Variants in RPS6KB1 observed in about 807,000 individuals in gnomAD.
RPS6KB1 encodes the protein ribosomal protein S6 kinase B1, also known as ribosomal protein S6 kinase beta-1.
In RPS6KB1, 12 loss-of-function variants were observed where a neutral mutation model predicts 70.2. The ratio of observed to expected loss-of-function variants is 0.17; its 90% CI spans 0.11 to 0.28. RPS6KB1 has a LOEUF of 0.28. RPS6KB1 is among the 10% of genes least tolerant of loss of function. The pLI, the probability that RPS6KB1 is intolerant of heterozygous loss-of-function variation, is 1.00. For missense variants in RPS6KB1, 270 were observed against 646.6 expected, an observed-to-expected ratio of 0.42 and a Z score of 6.32; for synonymous variants, 175 against 211.2, an observed-to-expected ratio of 0.83 and a Z score of 1.49.
rs183000227 is a variant in RPS6KB1, at chr17:59,914,076, A to G, written c.313-559A>G. ...AATATTTTCATTCTGCGGTTGGTTG[A>G]ATCCACGGCTGCTGAACCTGTAGAT... On this transcript the variant is annotated intron_variant, in intron 3 of 14. Coordinates refer to ENST00000225577, the MANE Select transcript of RPS6KB1 (RefSeq NM_003161.4). Among the ~76,000 whole-genome samples the G allele has an allele frequency of 5.3e-5, 8 of 152,266 alleles. No individual in the cohort carries two copies. The East Asian group carries it at 1.5e-3, about 29-fold the overall frequency.
chr17:59,917,296 T>C (rs1292833587), intron 4 of RPS6KB1, among the ~76,000 whole-genome samples: 1 of 151,544 alleles, frequency 6.6e-6, no homozygotes, highest in Non-Finnish European at 1.5e-5. Flanking sequence ...TAAAAAAAAA[T>C]GTAGAGATGG....
At position 59,904,759 on chromosome 17, in the gene RPS6KB1, C is replaced by T. The variant is rs144759643; in HGVS notation, c.142-5803C>T. Among the ~76,000 whole-genome samples the T allele has an allele frequency of 4.9e-4, 73 of 147,932 alleles. 2 individuals carry two copies. The highest frequency in any genetic ancestry group is 6.8e-4 in the Admixed American group (10 of 14,712). On this transcript the variant is annotated intron_variant, in intron 1 of 14. Coordinates refer to ENST00000225577, the MANE Select transcript of RPS6KB1 (RefSeq NM_003161.4). ...TTGCCCAGGCTGGAGTGCAGTGGCG[C>T]GATCTCAGCTCACTGCAACCTCTGC...
intron 5 of RPS6KB1, 26 bp from the exon 6 acceptor site, chr17:59,930,091 A>G: frequency 8.8e-7 from 1 of 1,133,624 alleles, no homozygotes; most frequent in Non-Finnish European, 1.3e-6. Flanking sequence ...TGTTTTATTT[A>G]TAATGTTTTT....
Position 59,914,649 on chromosome 17 carries a change from A to G in RPS6KB1, c.327A>G (p.Arg109=), listed in dbSNP as rs746840384. ...TTTTAATCCAGGTTTTTCAAGTACG[A>G]AAAGTAACAGGAGCAAATACTGGGA... is the stretch of plus-strand genomic sequence containing the variant. The part of the protein sequence containing the change: ...KGGYGKVFQV[R]KVTGANTGKI... Residue 109 remains arginine (R), a synonymous_variant, in exon 4 of 15, where the codon CGA becomes CGG. Transcript: ENST00000225577. 8.1e-6 allele frequency: 13 copies of G among 1,612,572 alleles called. No individual in the cohort carries two copies. The highest frequency in any genetic ancestry group is 8.5e-6 in the Non-Finnish European group (10 of 1,179,652).
In RPS6KB1 at chr17:59,910,623, T is replaced by C. The variant is rs1400561626; in HGVS notation, c.191+12T>C. ...GGACCATATGAACTGTAAGTTTATATGAAGAGATTTTCATTGTGTTGTCTT... is the reference window on the plus strand; with the variant it reads ...GGACCATATGAACTGTAAGTTTATACGAAGAGATTTTCATTGTGTTGTCTT... On this transcript the variant is annotated intron_variant, in intron 2 of 14. Transcript: ENST00000225577. The C allele has an allele frequency of 2.6e-6, 4 of 1,543,576 alleles. No individual in the cohort carries two copies. The South Asian group carries it at 3.6e-5, about 14-fold the overall frequency.
At chr17:59,939,213 A>G (rs2044435720) in intron 12 of RPS6KB1, among the ~76,000 whole-genome samples, 1 of 152,168 alleles carries the variant, frequency 6.6e-6, no homozygotes, top group Admixed American at 6.5e-5. Context: ...TTTTTAGTAT[A>G]TTATGAACTT....
chr17:59,914,695 C>G lies in RPS6KB1; in HGVS notation c.373C>G (p.Leu125Val). 1 of 1,609,624 alleles carries G rather than the reference C, an allele frequency of 6.2e-7. No homozygotes were observed. Among genetic ancestry groups the G allele is most frequent in the Non-Finnish European group, 8.5e-7 (1 of 1,177,734 alleles). Reference protein sequence around the residue: ...NTGKIFAMKVLKKAMIVRNAK... With the variant: ...NTGKIFAMKVVKKAMIVRNAK... ...TGGGAAAATATTTGCCATGAAGGTG[C>G]TTAAAAAGGTGATTTCCACTCCCCC... Residue 125 changes from leucine (L) to valine (V), a missense_variant, in exon 4 of 15, where the codon CTT (leucine) becomes GTT (valine). By Grantham distance (32) the Leu-to-Val change is conservative (BLOSUM62 1). Transcript: ENST00000225577.
intron 1 of RPS6KB1, among the ~76,000 whole-genome samples, chr17:59,904,380 G>A (rs1344832420): frequency 6.7e-6 from 1 of 149,694 alleles, no homozygotes; most frequent in African/African-American, 2.5e-5. Context: ...CGCACAGCCC[G>A]GAGTAATTCT....
rs778549968 is a variant in RPS6KB1 at position 59,924,104 on chromosome 17, C to T, written c.382-2331C>T. 3.0e-4 allele frequency among the ~76,000 whole-genome samples: 45 copies of T among 152,124 alleles called. No individual in the cohort carries two copies. In the Middle Eastern group the frequency reaches 0.014, roughly 46 times the overall value. Reference sequence around the variant, plus strand: ...ATCCCAGCACTTTGGGAGGCCAAGGCGGGCGGATCATGAGCTCAGTTCGAA... The same window carrying T: ...ATCCCAGCACTTTGGGAGGCCAAGGTGGGCGGATCATGAGCTCAGTTCGAA... On this transcript the variant is annotated intron_variant, in intron 4 of 14. Transcript: ENST00000225577.
At chr17:59,938,297 C>T (rs1230009900) in intron 12 of RPS6KB1, among the ~76,000 whole-genome samples, 1 of 151,432 alleles carries the variant, frequency 6.6e-6, no homozygotes, top group Non-Finnish European at 1.5e-5. Context: ...ATAGCTGGGG[C>T]CACAGGGATG....
chr17:59,938,139 T>G (rs1485466848), intron 12 of RPS6KB1, among the ~76,000 whole-genome samples: 1 of 136,978 alleles, frequency 7.3e-6, no homozygotes, highest in East Asian at 2.1e-4. Flanking sequence ...TCCTTAGTTG[T>G]TTTTTTTTTT....
Position 59,945,514 on chromosome 17 carries a change from G to T in RPS6KB1, c.1336G>T (p.Val446Phe), listed in dbSNP as rs146927684. 1 of 1,570,104 alleles carries T rather than the reference G, an allele frequency of 6.4e-7. No individual in the cohort carries two copies. Among genetic ancestry groups the T allele is most frequent in the East Asian group, 2.2e-5 (1 of 44,672 alleles). The change falls in exon 14 of 15, where the codon GTC becomes TTC. Residue 446 changes from valine (V) to phenylalanine (F), a missense_variant. Physicochemically the swap from Val to Phe is conservative, Grantham distance 50 (BLOSUM62 -1). Coordinates refer to ENST00000225577, the MANE Select transcript of RPS6KB1 (RefSeq NM_003161.4). Reference sequence around the variant, plus strand: ...ATTTATTGGCAGCCCACGAACACCTGTCAGGTATTTCACACTCTTATTTTC... The same window carrying T: ...ATTTATTGGCAGCCCACGAACACCTTTCAGGTATTTCACACTCTTATTTTC... The part of the protein sequence containing the change: ...RRFIGSPRTP[V>F]SPVKFSPGDF...
chr17:59,908,987 C>T (rs565395854), intron 1 of RPS6KB1, among the ~76,000 whole-genome samples: 32 of 142,060 alleles, frequency 2.3e-4, no homozygotes, highest in Non-Finnish European at 3.8e-4. Flanking sequence ...AGTGCAATGG[C>T]GCGATCTCGG....
In RPS6KB1 at chr17:59,908,712, G is replaced by A. The variant is rs1279661237; in HGVS notation, c.142-1850G>A. 2.2e-3 allele frequency among the ~76,000 whole-genome samples: 285 copies of A among 127,798 alleles called. 1 individual carries two copies. The highest frequency in any genetic ancestry group is 8.3e-3 in the African/African-American group (275 of 33,068). The allele number at this position is 127,798 out of a possible 152,430, so 83.8% of individuals were successfully genotyped here. A position where few individuals can be genotyped will look rare whatever the true frequency, so the allele number is the denominator to read the frequency against. On this transcript the variant is annotated intron_variant, in intron 1 of 14. Coordinates refer to ENST00000225577, the MANE Select transcript of RPS6KB1 (RefSeq NM_003161.4). ...CGGCTCACTGCAAGCTCCGCCTCCCGGGTTCACGCCATTCTCCTGCCTCAG... is the reference window on the plus strand; with the variant it reads ...CGGCTCACTGCAAGCTCCGCCTCCCAGGTTCACGCCATTCTCCTGCCTCAG...
At chr17:59,895,834 T>C (rs565971312) in intron 1 of RPS6KB1, among the ~76,000 whole-genome samples, 5 of 151,950 alleles carry the variant, frequency 3.3e-5, no homozygotes, top group Admixed American at 6.6e-5. Flanking sequence ...GGTTTCACCA[T>C]GTTGCCCAGG....
intron 4 of RPS6KB1, among the ~76,000 whole-genome samples, chr17:59,923,095 C>G (rs1328833072): frequency 6.6e-6 from 1 of 151,900 alleles, no homozygotes; most frequent in Non-Finnish European, 1.5e-5. Flanking sequence ...AACTCCTGAC[C>G]TCATGATCTG....
At chr17:59,901,556 A>T (rs1276949144) in intron 1 of RPS6KB1, among the ~76,000 whole-genome samples, 43 of 149,772 alleles carry the variant, frequency 2.9e-4, no homozygotes, top group African/African-American at 1.0e-3. Context: ...TTGGGAGGCC[A>T]AGGCAGATGG....
At chr17:59,931,393 C>T in intron 6 of RPS6KB1, 1 of 476,526 alleles carries the variant, frequency 2.1e-6, no homozygotes. Flanking sequence ...GCAATATATT[C>T]TAATGGCAAA....
intron 7 of RPS6KB1, among the ~76,000 whole-genome samples, chr17:59,933,473 T>G (rs2044062557): frequency 6.6e-6 from 1 of 152,328 alleles, no homozygotes. Flanking sequence ...AATAGGTCAT[T>G]GTGCCTTTTC....
Sources: allele counts gnomAD v4.1 joint callset (sites outside exome capture counted in the v4.1 genomes callset), GRCh38; gene constraint gnomAD v4.1.1; transcripts MANE v1.5; gene names NCBI Gene and HGNC (gene_info 2026-07-23, HGNC 2026-07-21).